The following TRERF1 variants were observed in gnomAD, a reference collection of about 807,000 sequenced individuals.
TRERF1 encodes the protein transcriptional regulating factor 1.
TRERF1 carries 27 observed loss-of-function variants against 122.9 expected under a neutral mutation model. The ratio of observed to expected loss-of-function variants is 0.22; its 90% CI spans 0.16 to 0.30. TRERF1 has a LOEUF of 0.30. TRERF1 is among the 10% of genes least tolerant of loss of function. The pLI is 1.00. For missense variants in TRERF1, 1,248 were observed against 1,560.3 expected (o/e 0.80, Z 3.37); for synonymous variants, 636 against 641.7 (o/e 0.99, Z 0.13).
chr6:42,428,157 C>T (rs1344612914), intron 2 of TRERF1, among the ~76,000 whole-genome samples: 3 of 152,172 alleles, frequency 2.0e-5, no homozygotes, highest in Non-Finnish European at 4.4e-5. Flanking sequence ...AGCAACTAAG[C>T]TACAGGCCCA....
chr6:42,328,671 A>T (rs1372120594), intron 3 of TRERF1, among the ~76,000 whole-genome samples: 1 of 152,198 alleles, frequency 6.6e-6, no homozygotes, highest in Non-Finnish European at 1.5e-5. Context: ...TGCTAAGCAG[A>T]GTCTTAAGGG....
rs776967139 is a variant in TRERF1 at position 42,259,634 on chromosome 6, C to T, written c.1974G>A (p.Pro658=). ...GCGGCGGCGGGATGAAGAGAGGTTC[C>T]GGCCGGTGCCGGAACTTTTTCTTCT... The change falls in exon 9 of 18, where the codon CCG becomes CCA. Residue 658 remains proline, a synonymous_variant. Coordinates refer to ENST00000372922, the Ensembl canonical transcript of TRERF1. The surrounding 1 kb of genome is among the most constrained non-coding windows in gnomAD (Gnocchi z 4.9). The T allele has an allele frequency of 2.4e-5, 38 of 1,613,026 alleles. No homozygotes were observed. In the East Asian group the frequency reaches 6.2e-4, roughly 26 times the overall value.
chr6:42,247,239 A>G (rs1774964210), intron 13 of TRERF1, among the ~76,000 whole-genome samples: 2 of 152,238 alleles, frequency 1.3e-5, no homozygotes, highest in African/African-American at 2.4e-5. Context: ...GAGAGGAAGC[A>G]GGATGTGCAA....
chr6:42,229,638 C>T (rs188932924), intron 17 of TRERF1, among the ~76,000 whole-genome samples: 3 of 152,156 alleles, frequency 2.0e-5, no homozygotes, highest in Admixed American at 2.0e-4. Context: ...CTACTACTCC[C>T]TTTCACTTAA....
intron 16 of TRERF1, among the ~76,000 whole-genome samples, chr6:42,236,002 G>A (rs200115638): frequency 1.3e-5 from 2 of 152,208 alleles, no homozygotes; most frequent in East Asian, 1.9e-4. Context: ...TCTCCAACAC[G>A]CAGCATCATG....
chr6:42,361,377 C>A (rs553867886), intron 3 of TRERF1, among the ~76,000 whole-genome samples: 1 of 152,356 alleles, frequency 6.6e-6, no homozygotes, highest in South Asian at 2.1e-4. Context: ...TGTGAATCCA[C>A]AGTCTCTTCC....
chr6:42,244,330 A>G (rs747891101), intron 14 of TRERF1, among the ~76,000 whole-genome samples: 3 of 151,908 alleles, frequency 2.0e-5, no homozygotes, highest in Non-Finnish European at 4.4e-5. Context: ...GATTACAGGC[A>G]TGCACCACCA....
intron 4 of TRERF1, among the ~76,000 whole-genome samples, chr6:42,290,535 G>A (rs1157817408): frequency 1.3e-5 from 2 of 151,910 alleles, no homozygotes; most frequent in Non-Finnish European, 2.9e-5. Context: ...GATCAACCCT[G>A]GGAACATGAT....
chr6:42,291,797 G>A (rs533469846), intron 4 of TRERF1, among the ~76,000 whole-genome samples: 8 of 151,622 alleles, frequency 5.3e-5, no homozygotes, highest in African/African-American at 1.9e-4. Context: ...CACCCGCCTC[G>A]GCCTCCCAAA....
At chr6:42,377,787 C>T (rs546690234) in intron 2 of TRERF1, among the ~76,000 whole-genome samples, 50 of 152,232 alleles carry the variant, frequency 3.3e-4, no homozygotes, top group African/African-American at 1.2e-3. Context: ...AAATTCCTTC[C>T]GAGGGAATGT....
exon 6 of TRERF1, chr6:42,265,768 T>A: frequency 6.2e-7 from 1 of 1,613,406 alleles, no homozygotes. Context: ...CAGGGGACCC[T>A]GGCTGGGCTC....
At chr6:42,419,748 T>C (rs528269090) in intron 2 of TRERF1, among the ~76,000 whole-genome samples, 11 of 152,300 alleles carry the variant, frequency 7.2e-5, no homozygotes, top group African/African-American at 2.4e-4. Context: ...GATTAGGTCA[T>C]TGGCTCTGGA....
intron 4 of TRERF1, among the ~76,000 whole-genome samples, chr6:42,294,704 C>A (rs905084236): frequency 4.6e-5 from 7 of 152,120 alleles, no homozygotes; most frequent in East Asian, 1.9e-4. Flanking sequence ...CCCGCAATAA[C>A]CCTGGCACCC....
In TRERF1 at chr6:42,394,310, C is replaced by T. The variant is rs114040286; in HGVS notation, c.-453-31231G>A. ...TCCCCGTGCCTCCTCCGTCAGCAGGCTATCCTGTCTACACCCTCCCCTGAT... is the reference window on the plus strand; with the variant it reads ...TCCCCGTGCCTCCTCCGTCAGCAGGTTATCCTGTCTACACCCTCCCCTGAT... On this transcript the variant is annotated intron_variant, in intron 2 of 17. Transcript: ENST00000372922. 6.9e-3 allele frequency among the ~76,000 whole-genome samples: 1,048 copies of T among 152,284 alleles called. 9 individuals are homozygous for T. Among genetic ancestry groups the T allele is most frequent in the African/African-American group, 0.024 (991 of 41,542 alleles).
At position 42,354,935 on chromosome 6, in the gene TRERF1, C is replaced by T. The variant is rs1210961279; in HGVS notation, c.-371+8062G>A. ...TGATGGGACTTTCAGAGGAATGGTA[C>T]TAGACTCATGAACTAATTTGAGAAG... On this transcript the variant is annotated intron_variant, in intron 3 of 17. Transcript: ENST00000372922. 2.0e-5 allele frequency among the ~76,000 whole-genome samples: 3 copies of T among 152,294 alleles called. No homozygotes were observed. The East Asian group carries it at 5.8e-4, about 29-fold the overall frequency.
intron 3 of TRERF1, among the ~76,000 whole-genome samples, chr6:42,348,243 TTTCTTTTTC>T (rs1282079784): frequency 4.6e-5 from 7 of 151,816 alleles, no homozygotes; most frequent in South Asian, 2.1e-4. Flanking sequence ...TTTTTTCTTT[TTTCTTTTTC>T]TTCTTTTTCT....
intron 2 of TRERF1, among the ~76,000 whole-genome samples, chr6:42,437,183 C>A (rs990310207): frequency 6.6e-6 from 1 of 152,088 alleles, no homozygotes; most frequent in Non-Finnish European, 1.5e-5. Flanking sequence ...CACACAAGGG[C>A]ACTCCAGCTC....
chr6:42,356,547 C>A (rs1213580685), intron 3 of TRERF1, among the ~76,000 whole-genome samples: 1 of 152,190 alleles, frequency 6.6e-6, no homozygotes, highest in Non-Finnish European at 1.5e-5. Flanking sequence ...GACTTCCCAG[C>A]CTCCAGAGCT....
intron 3 of TRERF1, among the ~76,000 whole-genome samples, chr6:42,306,003 T>TTA (rs1787156780): frequency 7.5e-6 from 1 of 133,800 alleles, no homozygotes; most frequent in African/African-American, 2.8e-5. Flanking sequence ...TCCTTTTTTT[T>TTA]TTTTTTTTTT....
Sources: gnomAD v4.1 joint callset for allele counts (sites outside exome capture counted in the v4.1 genomes callset) on GRCh38, gnomAD v4.1.1 for gene constraint, Gnocchi (gnomAD v3.1) non-coding constraint, MANE v1.5 for transcripts, NCBI Gene and HGNC (gene_info 2026-07-23, HGNC 2026-07-21) for gene names.